NFX1: variants seen among roughly 807,000 people sequenced by gnomAD.
NFX1 encodes nuclear transcription factor, X-box binding 1.
NFX1 carries 69 observed loss-of-function variants against 137.2 expected under a neutral mutation model. The observed-to-expected ratio is 0.50, with a 90% CI of 0.41 to 0.61. The LOEUF (loss-of-function observed/expected upper bound fraction) is 0.61. Ranked by LOEUF, NFX1 falls within the 20% of genes least tolerant of loss-of-function variation. The probability of loss-of-function intolerance (pLI) is 0.00; values close to 1 mark genes in which losing one functional copy is unlikely to be tolerated. For synonymous variants in NFX1, 495 were observed against 474.1 expected (o/e 1.04, Z -0.57); for missense variants, 1,167 against 1,391.0 (o/e 0.84, Z 2.56).
Position 33,342,761 on chromosome 9 carries a change from T to G in NFX1, c.2131T>G (p.Cys711Gly). ...CTTTTCCCAGGATAAGGAGCACAAG[T>G]GTCCTTTGATTTGTGGGAGGAAACT... ...EICCVDKEHKCPLICGRKLRC... is the reference protein window; with the variant it reads ...EICCVDKEHKGPLICGRKLRC... The change falls in exon 13 of 24, where the codon TGT becomes GGT. Residue 711 changes from cysteine (C) to glycine (G), a missense_variant. Physicochemically the swap from Cys to Gly is radical, Grantham distance 159. Around this residue, in one of 3 missense-constraint regions of NFX1, gnomAD observed 488 missense variants for 691.5 expected, o/e 0.71. Coordinates refer to ENST00000379540, the MANE Select transcript of NFX1 (RefSeq NM_002504.6). 6.2e-7 allele frequency: 1 copy of G among 1,612,668 alleles called. No individual in the cohort carries two copies. The highest frequency in any genetic ancestry group is 8.5e-7 in the Non-Finnish European group (1 of 1,179,266).
At chr9:33,341,184 A>G (rs1203771682) in intron 12 of NFX1, among the ~76,000 whole-genome samples, 1 of 152,196 alleles carries the variant, frequency 6.6e-6, no homozygotes, top group Non-Finnish European at 1.5e-5. Flanking sequence ...ATGGACTTAC[A>G]GTTCCAAGTG....
chr9:33,360,556 A>G (rs559179409), intron 19 of NFX1, among the ~76,000 whole-genome samples: 58 of 152,222 alleles, frequency 3.8e-4, no homozygotes, highest in Non-Finnish European at 7.2e-4. Context: ...ATAAATACAC[A>G]CAAACCTAAG....
intron 11 of NFX1, among the ~76,000 whole-genome samples, chr9:33,336,754 C>A (rs888221719): frequency 6.6e-6 from 1 of 152,188 alleles, no homozygotes; most frequent in Non-Finnish European, 1.5e-5. Context: ...GCATGTGCCA[C>A]CATGCCCTTT....
intron 19 of NFX1, among the ~76,000 whole-genome samples, chr9:33,359,389 A>G (rs1823919957): frequency 6.6e-6 from 1 of 152,072 alleles, no homozygotes; most frequent in Admixed American, 6.5e-5. Context: ...ACTTGAGGTC[A>G]AGAGTTCGAG....
chr9:33,322,550 A>G (rs987058525), intron 9 of NFX1, among the ~76,000 whole-genome samples: 2 of 152,132 alleles, frequency 1.3e-5, no homozygotes, highest in African/African-American at 4.8e-5. Flanking sequence ...TTTCTCCACC[A>G]AGCTCCCACT....
chr9:33,320,461 G>C (rs540179713), intron 9 of NFX1, among the ~76,000 whole-genome samples: 1 of 152,122 alleles, frequency 6.6e-6, no homozygotes, highest in African/African-American at 2.4e-5. Flanking sequence ...TTGAATTGTT[G>C]TATCTGCTTG....
intron 5 of NFX1, among the ~76,000 whole-genome samples, chr9:33,310,127 CTTTA>C (rs1263683523): frequency 1.3e-5 from 2 of 152,116 alleles, no homozygotes; most frequent in Non-Finnish European, 2.9e-5. Context: ...AATGTTTAAA[CTTTA>C]TTTAAGAATT....
At chr9:33,312,363 A>G (rs548334314) in intron 6 of NFX1, among the ~76,000 whole-genome samples, 1 of 152,360 alleles carries the variant, frequency 6.6e-6, no homozygotes, top group South Asian at 2.1e-4. Context: ...ACTGTTAGCC[A>G]TGGTGCTAGG....
chr9:33,306,089 C>A (rs1821743729), intron 4 of NFX1, among the ~76,000 whole-genome samples: 1 of 152,142 alleles, frequency 6.6e-6, no homozygotes, highest in Admixed American at 6.5e-5. Flanking sequence ...CAAAAAAGCA[C>A]AGAGGCAGGG....
At chr9:33,323,490 C>T (rs556294220) in intron 9 of NFX1, among the ~76,000 whole-genome samples, 36 of 152,292 alleles carry the variant, frequency 2.4e-4, no homozygotes, top group Non-Finnish European at 4.4e-4. Flanking sequence ...CATGGTGGCT[C>T]ACGCCTGTAA....
Position 33,328,681 on chromosome 9 carries a change from A to G in NFX1, c.2004+3A>G. On this transcript the variant is annotated splice_donor_region_variant and intron_variant, in intron 10 of 23. Coordinates refer to ENST00000379540, the MANE Select transcript of NFX1 (RefSeq NM_002504.6). ...GCAGATGCTCTTTCAGAACAAAGGT[A>G]AATCCTAAACAATGCTAGAGTTGTT... 6.2e-7 allele frequency: 1 copy of G among 1,606,766 alleles called. No homozygotes were observed. The highest frequency in any genetic ancestry group is 8.5e-7 in the Non-Finnish European group (1 of 1,173,564).
At chr9:33,368,186 G>A (rs902448175) in intron 23 of NFX1, among the ~76,000 whole-genome samples, 2 of 151,916 alleles carry the variant, frequency 1.3e-5, no homozygotes, top group Non-Finnish European at 1.5e-5. Flanking sequence ...AGTGAGCCGA[G>A]ATCGCACCAC....
chr9:33,305,835 GA>G (rs1414351583), intron 4 of NFX1, among the ~76,000 whole-genome samples: 1 of 152,210 alleles, frequency 6.6e-6, no homozygotes, highest in African/African-American at 2.4e-5. Flanking sequence ...AACATACAGT[GA>G]AATATGTCCA....
chr9:33,302,940 T>G (rs918601491), intron 3 of NFX1, among the ~76,000 whole-genome samples: 1 of 151,388 alleles, frequency 6.6e-6, no homozygotes, highest in Non-Finnish European at 1.5e-5. Context: ...AGCGCTGGGA[T>G]TATAGGCATG....
chr9:33,364,780 AGT>A lies in NFX1; in HGVS notation c.3039+7_3039+8del. 3.7e-6 allele frequency: 6 copies of A among 1,613,824 alleles called. No homozygotes were observed. The highest frequency in any genetic ancestry group is 4.2e-6 in the Non-Finnish European group (5 of 1,179,876). ...TCGTGGAGGCCGTGAATAAGGTTGA[AGT>A]CGAAACATCCCACTGGACATTTCTC... is the stretch of plus-strand genomic sequence containing the variant. On this transcript the variant is annotated splice_region_variant and intron_variant, in intron 21 of 23. Transcript: ENST00000379540.
intron 7 of NFX1, among the ~76,000 whole-genome samples, chr9:33,317,356 C>T (rs1411253213): frequency 6.9e-6 from 1 of 145,250 alleles, no homozygotes; most frequent in African/African-American, 2.6e-5. Context: ...GAGTTTGAGG[C>T]TGCAGTGAGC....
intron 10 of NFX1, among the ~76,000 whole-genome samples, chr9:33,329,840 G>A (rs568158442): frequency 1.3e-5 from 2 of 152,102 alleles, no homozygotes; most frequent in East Asian, 3.9e-4. Context: ...TGTATTTTTA[G>A]TAGAGACGGG....
At chr9:33,305,335 A>C (rs1033567115) in intron 4 of NFX1, among the ~76,000 whole-genome samples, 2 of 152,260 alleles carry the variant, frequency 1.3e-5, no homozygotes, top group Non-Finnish European at 2.9e-5. Flanking sequence ...AGGCAGAAAG[A>C]TATGTTGAAG....
At chr9:33,320,717 G>C (rs186096975) in intron 9 of NFX1, among the ~76,000 whole-genome samples, 1 of 152,260 alleles carries the variant, frequency 6.6e-6, no homozygotes, top group East Asian at 1.9e-4. Context: ...GTGTTGAAAG[G>C]CCATGCATTT....
Sources: allele counts gnomAD v4.1 joint callset (sites outside exome capture counted in the v4.1 genomes callset), GRCh38; gene constraint gnomAD v4.1.1; regional missense constraint gnomAD v4.1.1; transcripts MANE v1.5; gene names NCBI Gene and HGNC (gene_info 2026-07-23, HGNC 2026-07-21).